The following DPEP3 variants were observed in gnomAD, a reference collection of about 807,000 sequenced individuals.
The protein encoded by DPEP3 is membrane-bound dipeptidase 3.
Under a neutral mutation model 47.5 loss-of-function variants are expected in DPEP3, and 42 were observed. The observed-to-expected ratio is 0.88, with a 90% CI of 0.69 to 1.14. The LOEUF (loss-of-function observed/expected upper bound fraction) is 1.14, where lower values mean the gene tolerates loss of function less well. Ranked by LOEUF, DPEP3 falls within the 50% of genes most tolerant of loss-of-function variation. The probability of loss-of-function intolerance (pLI) is 0.00; values close to 1 mark genes in which losing one functional copy is unlikely to be tolerated. For synonymous variants in DPEP3, 276 were observed against 270.2 expected, an observed-to-expected ratio of 1.02 and a Z score of -0.21; for missense variants, 560 against 635.0, an observed-to-expected ratio of 0.88 and a Z score of 1.27.
At chr16:67,976,456 A>G (rs1383836084) in intron 8 of DPEP3, among the ~76,000 whole-genome samples, 4 of 152,192 alleles carry the variant, frequency 2.6e-5, no homozygotes, top group Non-Finnish European at 5.9e-5. Flanking sequence ...CATATCTTGG[A>G]CAGATGAGCC....
rs1331999588 is a variant in DPEP3, at chr16:67,978,750, G to A, written c.415-124C>T. ...AGTGGCCCCAAGTGAGGCACTACAT[G>A]ACTCCATGGTACCTTGATGACTTTT... On this transcript the variant is annotated intron_variant, in intron 2 of 9. Coordinates refer to ENST00000268793, the MANE Select transcript of DPEP3 (RefSeq NM_001370198.1). This position sits in a 1 kb window ranked among gnomAD's most constrained non-coding sequence, Gnocchi z 4.4. The A allele has an allele frequency of 2.8e-6, 3 of 1,089,140 alleles. No individual in the cohort carries two copies. The highest frequency in any genetic ancestry group is 3.0e-5 in the South Asian group (2 of 67,554). 67.5% of individuals were successfully genotyped at this position (1,089,140 alleles called of 1,614,324 possible).
chr16:67,980,265 G>C lies in DPEP3; in HGVS notation c.116C>G (p.Thr39Arg), dbSNP rs374220452. ...LRQPVTRAET[T>R]PGAPRALSTL... ...GGAGAGGGCTCTGGGGGCGCCCGGC[G>C]TGGTCTCCGCGCGGGTTACGGGCTG... Residue 39 changes from threonine to arginine, a missense_variant, in exon 1 of 10, where the codon ACG (threonine) becomes AGG (arginine). Physicochemically the swap from Thr to Arg is moderately conservative, Grantham distance 71 (BLOSUM62 -1). Coordinates refer to ENST00000268793, the MANE Select transcript of DPEP3 (RefSeq NM_001370198.1). The C allele has an allele frequency of 3.3e-5, 52 of 1,597,120 alleles. No homozygotes were observed. The South Asian group carries it at 5.1e-4, about 16-fold the overall frequency.
chr16:67,976,207 A>G lies in DPEP3; in HGVS notation c.1116T>C (p.Asp372=), dbSNP rs774318234. The G allele has an allele frequency of 1.2e-6, 2 of 1,614,148 alleles. No homozygotes were observed. The highest frequency in any genetic ancestry group is 4.5e-5 in the East Asian group (2 of 44,882). Reference sequence around the variant, plus strand: ...CTATCAGGACTGGGTATGTGGACACATCCTCCAGCCCCTGAGGGAACCTGT... The same window carrying G: ...CTATCAGGACTGGGTATGTGGACACGTCCTCCAGCCCCTGAGGGAACCTGT... ...GTGRFPQGLE[D]VSTYPVLIEE... is the part of the protein sequence containing the mutation. The change falls in exon 9 of 10, where the codon GAT becomes GAC. Residue 372 remains aspartate, a synonymous_variant. Coordinates refer to ENST00000268793, the MANE Select transcript of DPEP3 (RefSeq NM_001370198.1).
Position 67,976,013 on chromosome 16 carries a change from A to G in DPEP3, c.1231-12T>C. The G allele has an allele frequency of 6.2e-7, 1 of 1,613,552 alleles. No homozygotes were observed. The highest frequency in any genetic ancestry group is 1.1e-5 in the South Asian group (1 of 91,078). On this transcript the variant is annotated splice_polypyrimidine_tract_variant and intron_variant, in intron 9 of 9. Coordinates refer to ENST00000268793, the MANE Select transcript of DPEP3 (RefSeq NM_001370198.1). ...CTCTCCTCTCTCACCTGGGGGAGGA[A>G]GTCCGCAGTCAGAGGCTCCCACAGC...
intron 6 of DPEP3, 48 bp downstream of exon 6, chr16:67,977,605 A>G (rs955107854): frequency 1.3e-6 from 2 of 1,569,844 alleles, no homozygotes; most frequent in South Asian, 2.4e-5. Flanking sequence ...AGGGTCAAGA[A>G]CCTTTGGATA....
intron 7 of DPEP3, 65 bp from the exon 8 acceptor site, chr16:67,976,840 G>T: frequency 2.1e-6 from 3 of 1,404,604 alleles, no homozygotes; most frequent in Non-Finnish European, 3.0e-6. Context: ...CCTGTCCCCA[G>T]CACTCCAGGC....
rs763775016 is a variant in DPEP3 at position 67,979,628 on chromosome 16, C to T, written c.414+11G>A. Reference sequence around the variant, plus strand: ...AGCCATGCTGTGGCACCCTGTGTGTCCCTGTGGTACCTGGGCACCCACGAG... The same window carrying T: ...AGCCATGCTGTGGCACCCTGTGTGTTCCTGTGGTACCTGGGCACCCACGAG... On this transcript the variant is annotated intron_variant, in intron 2 of 9. Transcript: ENST00000268793. 3.7e-6 allele frequency: 6 copies of T among 1,613,250 alleles called. No homozygotes were observed. In the South Asian group the frequency reaches 4.4e-5, roughly 12 times the overall value.
chr16:67,976,149 CT>C lies in DPEP3; in HGVS notation c.1173del (p.Glu392SerfsTer20). 1.2e-6 allele frequency: 2 copies of C among 1,614,230 alleles called. No individual in the cohort carries two copies. The highest frequency in any genetic ancestry group is 1.7e-6 in the Non-Finnish European group (2 of 1,180,050). The stretch of plus-strand genomic sequence containing the variant: ...TTTCCACGAAGGACACCTTGAAGCT[CT>C]TCCTCGCTCCAGCTACGACTCAGCA... ...EELLSRSWSE[E>X]ELQGVLRGNL... is the part of the protein sequence containing the mutation. On this transcript the variant is annotated frameshift_variant, in exon 9 of 10. Coordinates refer to ENST00000268793, the MANE Select transcript of DPEP3 (RefSeq NM_001370198.1). LOFTEE classifies it high-confidence loss of function.
At chr16:67,976,636 G>T in intron 8 of DPEP3, 64 bp downstream of exon 8, 1 of 1,498,436 alleles carries the variant, frequency 6.7e-7, no homozygotes, top group Non-Finnish European at 9.2e-7. Flanking sequence ...GTCAGGATGG[G>T]AATGAAGACT....
chr16:67,977,975 A>G lies in DPEP3; in HGVS notation c.719T>C (p.Met240Thr). The stretch of plus-strand genomic sequence containing the variant: ...TGTCAATCCGCTGACGTTGGTGTAC[A>G]TGTGGTGTCTGAACTTGGTGGAACT... ...AESSTKFRHH[M>T]YTNVSGLTSF... The change falls in exon 5 of 10, where the codon ATG (methionine) becomes ACG (threonine). Residue 240 changes from methionine (M) to threonine (T), a missense_variant. Coordinates refer to ENST00000268793, the MANE Select transcript of DPEP3 (RefSeq NM_001370198.1). 6.2e-7 allele frequency: 1 copy of G among 1,613,974 alleles called. No homozygotes were observed. The highest frequency in any genetic ancestry group is 2.2e-5 in the East Asian group (1 of 44,874).
chr16:67,975,811 AG>A lies in DPEP3; in HGVS notation c.1420del (p.Val475TrpfsTer34), dbSNP rs1335470340. 1 of 1,613,942 alleles carries A rather than the reference AG, an allele frequency of 6.2e-7. No individual in the cohort carries two copies. Among genetic ancestry groups the A allele is most frequent in the Non-Finnish European group, 8.5e-7 (1 of 1,179,868 alleles). On this transcript the variant is annotated frameshift_variant, in exon 10 of 10. Coordinates refer to ENST00000268793, the MANE Select transcript of DPEP3 (RefSeq NM_001370198.1). LOFTEE classifies it high-confidence loss of function. ...SNASPYLVPG[L>X]VAAATIPTFT... ...GGTTGGGATGGTGGCAGCAGCCACA[AG>A]GCCTGGAACAAGGTATGGGGAGGCA... is the stretch of plus-strand genomic sequence containing the variant.
chr16:67,977,182 A>G (rs907291048), intron 7 of DPEP3, 88 bp downstream of exon 7: 9 of 1,229,722 alleles, frequency 7.3e-6, no homozygotes, highest in Non-Finnish European at 8.2e-6. Flanking sequence ...CCATTGCCCA[A>G]CAGGTGCACT....
intron 7 of DPEP3, among the ~76,000 whole-genome samples, chr16:67,977,011 G>A (rs1461889124): frequency 6.6e-6 from 1 of 152,200 alleles, no homozygotes; most frequent in African/African-American, 2.4e-5. Context: ...GCCTGGTGCA[G>A]GCTGAGCCTG....
At position 67,977,970 on chromosome 16, in the gene DPEP3, T is replaced by C. The variant is rs779679998; in HGVS notation, c.724A>G (p.Thr242Ala). 3.1e-6 allele frequency: 5 copies of C among 1,613,786 alleles called. No individual in the cohort carries two copies. The highest frequency in any genetic ancestry group is 2.2e-5 in the East Asian group (1 of 44,884). ...SSTKFRHHMY[T>A]NVSGLTSFGE... The stretch of plus-strand genomic sequence containing the variant: ...AAGCTTGTCAATCCGCTGACGTTGG[T>C]GTACATGTGGTGTCTGAACTTGGTG... The change falls in exon 5 of 10, where the codon ACC (threonine) becomes GCC (alanine). Residue 242 changes from threonine to alanine, a missense_variant. Physicochemically the swap from Thr to Ala is moderately conservative, Grantham distance 58 (BLOSUM62 0). Coordinates refer to ENST00000268793, the MANE Select transcript of DPEP3 (RefSeq NM_001370198.1).
At chr16:67,977,430 A>G (rs1330958057) in intron 6 of DPEP3, 76 bp from the exon 7 acceptor site, 3 of 1,456,006 alleles carry the variant, frequency 2.1e-6, no homozygotes, top group Non-Finnish European at 2.8e-6. Flanking sequence ...GGGCCCTGGT[A>G]GGACTGTGCT....
Position 67,978,193 on chromosome 16 carries a change from G to A in DPEP3, c.686+74C>T. 1.2e-6 allele frequency: 2 copies of A among 1,607,450 alleles called. No individual in the cohort carries two copies. The highest frequency in any genetic ancestry group is 1.7e-6 in the Non-Finnish European group (2 of 1,176,070). ...CGGACCCCTTCATCCTCAACGGCTT[G>A]GTCACACCCATGCCAGGAATGGGGC... On this transcript the variant is annotated intron_variant, in intron 4 of 9. Transcript: ENST00000268793. This position sits in a 1 kb window ranked among gnomAD's most constrained non-coding sequence, Gnocchi z 4.4.
Position 67,978,968 on chromosome 16 carries a change from G to A in DPEP3, c.415-342C>T, listed in dbSNP as rs1002646570. Among the ~76,000 whole-genome samples, 1 of 152,004 alleles carries A rather than the reference G, an allele frequency of 6.6e-6. No homozygotes were observed. Among genetic ancestry groups the A allele is most frequent in the African/African-American group, 2.4e-5 (1 of 41,404 alleles). The stretch of plus-strand genomic sequence containing the variant: ...TACCGAGCCTGGTTCCTTGATGACT[G>A]TTTGCTGCCAGCAGTCAAATGATGG... On this transcript the variant is annotated intron_variant, in intron 2 of 9. Coordinates refer to ENST00000268793, the MANE Select transcript of DPEP3 (RefSeq NM_001370198.1). The surrounding 1 kb of genome is among the most constrained non-coding windows in gnomAD (Gnocchi z 4.4).
rs769706331 is a variant in DPEP3, at chr16:67,975,716, G to C, written c.*49C>G. ...TATGCTTGTGAATGAACTAGGAGAG[G>C]GGGCTTTGTGAGGCTTTGCCACAGT... is the stretch of plus-strand genomic sequence containing the variant. On this transcript the variant is annotated 3_prime_UTR_variant, in exon 10 of 10. Transcript: ENST00000268793. The C allele has an allele frequency of 2.4e-5, 36 of 1,521,016 alleles. No homozygotes were observed. In the East Asian group the frequency reaches 3.5e-4, roughly 15 times the overall value. The allele number at this position is 1,521,016 out of a possible 1,614,324, so 94.2% of individuals were successfully genotyped here. A position where few individuals can be genotyped will look rare whatever the true frequency, so the allele number is the denominator to read the frequency against.
In DPEP3 at chr16:67,975,720, C is replaced by G. The variant is rs1018680669; in HGVS notation, c.*45G>C. The G allele has an allele frequency of 1.9e-6, 3 of 1,540,702 alleles. No homozygotes were observed. In the East Asian group the frequency reaches 7.0e-5, roughly 36 times the overall value. ...CTTGTGAATGAACTAGGAGAGGGGG[C>G]TTTGTGAGGCTTTGCCACAGTGACC... is the stretch of plus-strand genomic sequence containing the variant. On this transcript the variant is annotated 3_prime_UTR_variant, in exon 10 of 10. Transcript: ENST00000268793.
Sources: allele counts gnomAD v4.1 joint callset (sites outside exome capture counted in the v4.1 genomes callset), GRCh38; gene constraint gnomAD v4.1.1; non-coding constraint Gnocchi (gnomAD v3.1); transcripts MANE v1.5; gene names NCBI Gene and HGNC (gene_info 2026-07-23, HGNC 2026-07-21).